The following GAB2 variants were observed in gnomAD, a reference collection of about 807,000 sequenced individuals.
GAB2 encodes GRB2 associated binding protein 2.
Under a neutral mutation model 65.5 loss-of-function variants are expected in GAB2, and 26 were observed. That is an observed-to-expected ratio of 0.40 (90% CI 0.29 to 0.55). The LOEUF (loss-of-function observed/expected upper bound fraction) is 0.55, where lower values mean the gene tolerates loss of function less well. GAB2 is among the 20% of genes least tolerant of loss of function. The probability of loss-of-function intolerance (pLI) is 0.53; values close to 1 mark genes in which losing one functional copy is unlikely to be tolerated. For missense variants in GAB2, 884 were observed against 875.8 expected (o/e 1.01, Z -0.12); for synonymous variants, 321 against 329.6 (o/e 0.97, Z 0.28).
chr11:78,283,131 C>T (rs780238102), intron 1 of GAB2, among the ~76,000 whole-genome samples: 2 of 152,202 alleles, frequency 1.3e-5, no homozygotes, highest in Non-Finnish European at 1.5e-5. Context: ...GCAACAATCT[C>T]TTGGCCTCTC....
intron 1 of GAB2, among the ~76,000 whole-genome samples, chr11:78,390,728 C>G (rs1856824060): frequency 6.6e-6 from 1 of 152,166 alleles, no homozygotes; most frequent in African/African-American, 2.4e-5. Flanking sequence ...CAGAATAAGT[C>G]TCAACAGGTG....
chr11:78,375,030 T>A (rs1295726985), intron 1 of GAB2, among the ~76,000 whole-genome samples: 1 of 152,196 alleles, frequency 6.6e-6, no homozygotes, highest in Non-Finnish European at 1.5e-5. Flanking sequence ...GCAATCTTTG[T>A]ATATTTCGTT....
intron 1 of GAB2, among the ~76,000 whole-genome samples, chr11:78,297,058 A>T (rs879813417): frequency 1.8e-4 from 28 of 152,186 alleles, no homozygotes; most frequent in Admixed American, 5.9e-4. Context: ...CACGTTTTGG[A>T]GGGACACAAA....
In GAB2 at chr11:78,346,708, TA is replaced by T. The variant is rs1565168229; in HGVS notation, c.76-65808del. The stretch of plus-strand genomic sequence containing the variant: ...ATATATATATATATATATATATATA[TA>T]TATATATATATAATTTTTTTTTTTT... On this transcript the variant is annotated intron_variant, in intron 1 of 9. Transcript: ENST00000361507. 9.0e-4 allele frequency among the ~76,000 whole-genome samples: 69 copies of T among 76,292 alleles called. 3 individuals carry two copies. Among genetic ancestry groups the T allele is most frequent in the East Asian group, 1.1e-3 (3 of 2,702 alleles). 50.1% of individuals were successfully genotyped at this position (76,292 alleles called of 152,430 possible). A position where few individuals can be genotyped will look rare whatever the true frequency, so the allele number is the denominator to read the frequency against.
intron 3 of GAB2, among the ~76,000 whole-genome samples, chr11:78,227,294 G>T (rs1428183518): frequency 6.6e-6 from 1 of 152,190 alleles, no homozygotes; most frequent in African/African-American, 2.4e-5. Flanking sequence ...CCCTGAACAA[G>T]TATCAATAAG....
rs1866552040 is a variant in GAB2 at position 78,288,404 on chromosome 11, A to G, written c.76-7503T>C. ...AAAGAAAAAAAAAAAAAAAAGAAGAAGAAGAAGAAGAAAGAAAAAGAAAAA... is the reference window on the plus strand; with the variant it reads ...AAAGAAAAAAAAAAAAAAAAGAAGAGGAAGAAGAAGAAAGAAAAAGAAAAA... On this transcript the variant is annotated intron_variant, in intron 1 of 9. Coordinates refer to ENST00000361507, the MANE Select transcript of GAB2 (RefSeq NM_080491.3). 3.3e-5 allele frequency among the ~76,000 whole-genome samples: 5 copies of G among 151,036 alleles called. No homozygotes were observed. In the South Asian group the frequency reaches 1.0e-3, roughly 32 times the overall value.
At chr11:78,270,078 G>A (rs1424202070) in intron 2 of GAB2, among the ~76,000 whole-genome samples, 1 of 152,074 alleles carries the variant, frequency 6.6e-6, no homozygotes, top group Non-Finnish European at 1.5e-5. Context: ...AGATAGCACT[G>A]AGCACTTTGG....
intron 1 of GAB2, among the ~76,000 whole-genome samples, chr11:78,366,346 G>A (rs1856496751): frequency 2.6e-5 from 4 of 152,070 alleles, no homozygotes; most frequent in South Asian, 4.1e-4. Context: ...TTGGGAGGCC[G>A]AGGCAGGTGG....
At chr11:78,249,848 GT>G (rs57040625) in intron 3 of GAB2, among the ~76,000 whole-genome samples, 40,502 of 150,274 alleles carry the variant, frequency 0.27, 6,596 homozygotes, top group African/African-American at 0.45. Flanking sequence ...TAAATTGACT[GT>G]TTTTTTTTGC....
At chr11:78,405,232 G>C (rs1242503899) in intron 1 of GAB2, among the ~76,000 whole-genome samples, 1 of 151,698 alleles carries the variant, frequency 6.6e-6, no homozygotes, top group South Asian at 2.1e-4. Context: ...CTGAGGAGCT[G>C]GAACTACAGG....
At chr11:78,409,528 G>C (rs1290932775) in intron 1 of GAB2, among the ~76,000 whole-genome samples, 2 of 152,130 alleles carry the variant, frequency 1.3e-5, no homozygotes, top group African/African-American at 4.8e-5. Context: ...AGGTTGCGGA[G>C]AGCTGAGATC....
chr11:78,397,187 C>CA (rs1200029082), intron 1 of GAB2, among the ~76,000 whole-genome samples: 3 of 151,806 alleles, frequency 2.0e-5, no homozygotes, highest in African/African-American at 7.3e-5. Flanking sequence ...GCAAAACAAA[C>CA]AAACAAAAAA....
chr11:78,417,675 A>C lies in GAB2; in HGVS notation c.46T>G (p.Ser16Ala), dbSNP rs1284600244. 7.2e-7 allele frequency: 1 copy of C among 1,389,696 alleles called. No homozygotes were observed. The highest frequency in any genetic ancestry group is 9.5e-7 in the Non-Finnish European group (1 of 1,049,130). The allele number at this position is 1,389,696 out of a possible 1,614,324, so 86.1% of individuals were successfully genotyped here. A position where few individuals can be genotyped will look rare whatever the true frequency, so the allele number is the denominator to read the frequency against. ...CGCCTCAACTTCTTCTCGGGAGGCG[A>C]TTTCCTCAGCCAGCCGGTGCACACC... Reference protein sequence around the residue: ...DVVCTGWLRKSPPEKKLRRYA... With the variant: ...DVVCTGWLRKAPPEKKLRRYA... Residue 16 changes from serine to alanine, a missense_variant, in exon 1 of 10, where the codon TCG becomes GCG. Ser to Ala is a moderately conservative substitution (Grantham distance 99). Transcript: ENST00000361507.
rs114088549 is a variant in GAB2, at chr11:78,351,663, C to T, written c.75+65983G>A. 8.7e-3 allele frequency among the ~76,000 whole-genome samples: 1,328 copies of T among 152,150 alleles called. 20 individuals carry two copies. The highest frequency in any genetic ancestry group is 0.03 in the African/African-American group (1,263 of 41,502). ...ATTGTACATTTTTAGACACTATCTC[C>T]CTACTGAAAGCCAAGCATCTAAAGC... On this transcript the variant is annotated intron_variant, in intron 1 of 9. Transcript: ENST00000361507.
intron 3 of GAB2, among the ~76,000 whole-genome samples, chr11:78,231,542 G>A (rs1159945333): frequency 6.6e-6 from 1 of 152,188 alleles, no homozygotes; most frequent in Non-Finnish European, 1.5e-5. Flanking sequence ...TAGAGACGGG[G>A]TTTCATCATA....
At chr11:78,317,558 C>CAAAAAAA (rs370515492) in intron 1 of GAB2, among the ~76,000 whole-genome samples, 39 of 60,792 alleles carry the variant, frequency 6.4e-4, no homozygotes, top group African/African-American at 1.1e-3. Context: ...GACTCCGTCT[C>CAAAAAAA]AAAAAAAAAA....
intron 1 of GAB2, among the ~76,000 whole-genome samples, chr11:78,323,843 G>T (rs893242668): frequency 7.4e-6 from 1 of 135,634 alleles, no homozygotes; most frequent in Non-Finnish European, 1.5e-5. Flanking sequence ...TGTTGCCCAG[G>T]CTGGAGGGCA....
chr11:78,403,587 C>A (rs1456224599), intron 1 of GAB2, among the ~76,000 whole-genome samples: 1 of 152,234 alleles, frequency 6.6e-6, no homozygotes, highest in Non-Finnish European at 1.5e-5. Flanking sequence ...AAAATGAAAT[C>A]AAAATGGATT....
Position 78,218,526 on chromosome 11 carries a change from G to A in GAB2, c.*746C>T, listed in dbSNP as rs549107853. ...GTCATCTCCACCACCCGAGCTCCAA[G>A]CCCTGCTCCTTGCTGCTCTAGGTTG... On this transcript the variant is annotated 3_prime_UTR_variant, in exon 10 of 10. Transcript: ENST00000361507. 2 of 153,210 alleles carry A rather than the reference G, an allele frequency of 1.3e-5. No homozygotes were observed. The highest frequency in any genetic ancestry group is 2.1e-4 in the South Asian group (1 of 4,832). 9.5% of individuals were successfully genotyped at this position (153,210 alleles called of 1,614,324 possible).
Sources: gnomAD v4.1 joint callset for allele counts (sites outside exome capture counted in the v4.1 genomes callset) on GRCh38, gnomAD v4.1.1 for gene constraint, MANE v1.5 for transcripts, NCBI Gene and HGNC (gene_info 2026-07-23, HGNC 2026-07-21) for gene names.